COL25A1: variants seen among roughly 807,000 people sequenced by gnomAD.
COL25A1 encodes collagen alpha-1(XXV) chain.
A neutral mutation model predicts 128.4 loss-of-function variants in COL25A1; 103 were observed. That is an observed-to-expected ratio of 0.80 (90% confidence interval 0.68 to 0.94). The LOEUF (loss-of-function observed/expected upper bound fraction) is 0.94. COL25A1 is among the 40% of genes least tolerant of loss of function. The pLI is 0.00. For synonymous variants in COL25A1, 279 were observed against 277.2 expected, an observed-to-expected ratio of 1.01 and a Z score of -0.06; for missense variants, 745 against 840.0, an observed-to-expected ratio of 0.89 and a Z score of 1.40.
chr4:109,224,756 A>G (rs1269375047), intron 3 of COL25A1, among the ~76,000 whole-genome samples: 1 of 152,106 alleles, frequency 6.6e-6, no homozygotes, highest in East Asian at 1.9e-4. Flanking sequence ...CCGGACCAAC[A>G]TGGAGAAACC....
chr4:108,826,914 C>G (rs1215454477), intron 33 of COL25A1, among the ~76,000 whole-genome samples: 2 of 152,138 alleles, frequency 1.3e-5, no homozygotes, highest in Admixed American at 1.3e-4. Context: ...TCCTGTCAAT[C>G]TCGTGAAGTG....
At chr4:109,203,410 A>C (rs1776725959) in intron 3 of COL25A1, among the ~76,000 whole-genome samples, 1 of 152,140 alleles carries the variant, frequency 6.6e-6, no homozygotes, top group African/African-American at 2.4e-5. Flanking sequence ...CCTTTCTCAG[A>C]AATTAAGAGC....
chr4:108,932,865 C>T (rs188963437), intron 11 of COL25A1, among the ~76,000 whole-genome samples: 10 of 152,162 alleles, frequency 6.6e-5, no homozygotes, highest in African/African-American at 2.4e-4. Flanking sequence ...TTGATCACTT[C>T]CAATTATGGT....
At chr4:109,133,111 T>C (rs1260787430) in intron 3 of COL25A1, among the ~76,000 whole-genome samples, 1 of 152,088 alleles carries the variant, frequency 6.6e-6, no homozygotes, top group Non-Finnish European at 1.5e-5. Context: ...CAGTTATGGA[T>C]CTGTTACTAG....
At chr4:109,133,813 A>T (rs1244225229) in intron 3 of COL25A1, among the ~76,000 whole-genome samples, 1 of 152,166 alleles carries the variant, frequency 6.6e-6, no homozygotes, top group Admixed American at 6.6e-5. Flanking sequence ...TCTATTAAAC[A>T]TTGGAAATAA....
chr4:108,855,478 C>A, intron 24 of COL25A1, among the ~76,000 whole-genome samples: 1 of 151,958 alleles, frequency 6.6e-6, no homozygotes, highest in African/African-American at 2.4e-5. Context: ...CTTCCAATTA[C>A]ATGTTACTTT....
chr4:108,868,888 AGAT>A (rs1738311612), intron 20 of COL25A1, among the ~76,000 whole-genome samples, 197 bp downstream of exon 20: 1 of 141,448 alleles, frequency 7.1e-6, no homozygotes. Flanking sequence ...GAAAGAAGAA[AGAT>A]GGAAGGAAAG....
chr4:108,948,161 T>A, intron 8 of COL25A1, among the ~76,000 whole-genome samples: 1 of 152,198 alleles, frequency 6.6e-6, no homozygotes, highest in East Asian at 1.9e-4. Context: ...TGCTTCAGTT[T>A]AGCAGAAACT....
chr4:109,051,750 TATA>T (rs141122855), intron 3 of COL25A1, among the ~76,000 whole-genome samples: 2,383 of 152,188 alleles, frequency 0.016, 61 homozygotes, highest in African/African-American at 0.054. Flanking sequence ...ACTATATACT[TATA>T]ATGTCTGTGG....
At chr4:109,150,993 A>C (rs563044592) in intron 3 of COL25A1, among the ~76,000 whole-genome samples, 34 of 152,214 alleles carry the variant, frequency 2.2e-4, no homozygotes, top group African/African-American at 7.9e-4. Flanking sequence ...TATTTTGGTT[A>C]GTTGAAAATT....
intron 16 of COL25A1, among the ~76,000 whole-genome samples, chr4:108,890,959 C>T (rs1240678969): frequency 6.6e-6 from 1 of 152,204 alleles, no homozygotes; most frequent in Non-Finnish European, 1.5e-5. Context: ...TACTCCGTAG[C>T]ATCATGCTCT....
intron 30 of COL25A1, among the ~76,000 whole-genome samples, chr4:108,841,929 G>A (rs771992836): frequency 3.3e-5 from 5 of 152,146 alleles, no homozygotes; most frequent in Non-Finnish European, 7.3e-5. Flanking sequence ...TTCATTAATA[G>A]CAATTCTGTC....
At chr4:109,137,771 CA>C (rs1025430033) in intron 3 of COL25A1, among the ~76,000 whole-genome samples, 1 of 152,032 alleles carries the variant, frequency 6.6e-6, no homozygotes, top group East Asian at 1.9e-4. Flanking sequence ...AGTAGGATCT[CA>C]AAAAACATCT....
At chr4:109,002,440 A>G (rs1040047683) in intron 6 of COL25A1, among the ~76,000 whole-genome samples, 2 of 152,214 alleles carry the variant, frequency 1.3e-5, no homozygotes, top group African/African-American at 4.8e-5. Context: ...CATTGTGCTA[A>G]GTGAAATAAA....
intron 5 of COL25A1, among the ~76,000 whole-genome samples, chr4:109,020,009 T>C (rs1757578702): frequency 6.6e-6 from 1 of 152,188 alleles, no homozygotes; most frequent in Admixed American, 6.5e-5. Flanking sequence ...AGGTTATATA[T>C]CTGATTCCAA....
chr4:109,288,316 G>T (rs943176111), intron 3 of COL25A1, among the ~76,000 whole-genome samples: 1 of 152,068 alleles, frequency 6.6e-6, no homozygotes, highest in South Asian at 2.1e-4. Context: ...TACAGTAATG[G>T]AGTTGGTATA....
At chr4:109,151,745 T>C (rs1771523864) in intron 3 of COL25A1, among the ~76,000 whole-genome samples, 1 of 152,114 alleles carries the variant, frequency 6.6e-6, no homozygotes. Context: ...ATGCTGACTC[T>C]AAAAATAAAG....
intron 3 of COL25A1, among the ~76,000 whole-genome samples, chr4:109,109,527 C>T (rs1429879341): frequency 3.9e-5 from 6 of 152,164 alleles, no homozygotes; most frequent in South Asian, 2.1e-4. Flanking sequence ...TGAGCCACTG[C>T]GCCCGGCCTA....
chr4:108,912,931 A>G (rs1224705643), intron 13 of COL25A1, among the ~76,000 whole-genome samples: 1 of 152,200 alleles, frequency 6.6e-6, no homozygotes, highest in Non-Finnish European at 1.5e-5. Context: ...AATGTTACTT[A>G]AAAATCACTT....
Sources: gnomAD v4.1 joint callset for allele counts (sites outside exome capture counted in the v4.1 genomes callset) on GRCh38, gnomAD v4.1.1 for gene constraint, MANE v1.5 for transcripts, NCBI Gene and HGNC (gene_info 2026-07-23, HGNC 2026-07-21) for gene names.